Variants in LLPH observed in about 807,000 individuals in gnomAD.
LLPH encodes LLP homolog, long-term synaptic facilitation factor, also known as protein LLP homolog.
In LLPH, 5 loss-of-function variants were observed where a neutral mutation model predicts 13.3. That is an observed-to-expected ratio of 0.38 (90% CI 0.20 to 0.79). LLPH has a LOEUF of 0.79. Among genes scored for constraint, LLPH ranks in the 30% least tolerant of loss-of-function variants. The pLI, the probability that LLPH is intolerant of heterozygous loss-of-function variation, is 0.45. For missense variants in LLPH, 129 were observed against 152.1 expected, an observed-to-expected ratio of 0.85 and a Z score of 0.80; for synonymous variants, 32 against 44.2, an observed-to-expected ratio of 0.72 and a Z score of 1.09.
In LLPH at chr12:66,121,677, G is replaced by C. The variant is rs1482769665; in HGVS notation, c.*2163C>G. On this transcript the variant is annotated 3_prime_UTR_variant, in exon 3 of 3. Coordinates refer to ENST00000266604, the MANE Select transcript of LLPH (RefSeq NM_032338.4). ...GGGCAGGTGGATTACTTGAGTCCAG[G>C]AGTTTGAGACCAGCCTGGGCAACAT... 6.6e-6 allele frequency: 1 copy of C among 151,154 alleles called. No homozygotes were observed. The highest frequency in any genetic ancestry group is 1.5e-5 in the Non-Finnish European group (1 of 67,896). The allele number at this position is 151,154 out of a possible 1,614,324, so 9.4% of individuals were successfully genotyped here.
chr12:66,129,816 T>G (rs1317504101), intron 1 of LLPH, among the ~76,000 whole-genome samples: 2 of 152,204 alleles, frequency 1.3e-5, no homozygotes, highest in Non-Finnish European at 2.9e-5. Context: ...TTATCCATCC[T>G]CTCAAGCCAA....
intron 2 of LLPH, among the ~76,000 whole-genome samples, chr12:66,127,124 G>C (rs1366769662): frequency 1.3e-5 from 2 of 152,160 alleles, no homozygotes; most frequent in Non-Finnish European, 2.9e-5. Flanking sequence ...CTGCAGGTGG[G>C]AATGTAAAAT....
At chr12:66,125,485 A>G (rs1162057519) in intron 2 of LLPH, among the ~76,000 whole-genome samples, 2 of 152,196 alleles carry the variant, frequency 1.3e-5, no homozygotes, top group Non-Finnish European at 2.9e-5. Flanking sequence ...AGCCAAATTG[A>G]TAACAAATAG....
rs1157508155 is a variant in LLPH at position 66,121,737 on chromosome 12, A to C, written c.*2103T>G. 4 of 151,796 alleles carry C rather than the reference A, an allele frequency of 2.6e-5. No homozygotes were observed. The highest frequency in any genetic ancestry group is 5.9e-5 in the Non-Finnish European group (4 of 68,016). The allele number at this position is 151,796 out of a possible 1,614,324, so 9.4% of individuals were successfully genotyped here. A position where few individuals can be genotyped will look rare whatever the true frequency, so the allele number is the denominator to read the frequency against. On this transcript the variant is annotated 3_prime_UTR_variant, in exon 3 of 3. Coordinates refer to ENST00000266604, the MANE Select transcript of LLPH (RefSeq NM_032338.4). ...CTGTCTCTACAAAAATACAAAAATTAGCTGGGCGTGGTGGCACCCACCTGT... is the reference window on the plus strand; with the variant it reads ...CTGTCTCTACAAAAATACAAAAATTCGCTGGGCGTGGTGGCACCCACCTGT...
chr12:66,130,061 G>A (rs1024588667), intron 1 of LLPH, among the ~76,000 whole-genome samples: 2 of 152,020 alleles, frequency 1.3e-5, no homozygotes, highest in East Asian at 3.9e-4. Context: ...ATCCCCGCAG[G>A]CACCAACTAC....
At chr12:66,127,888 A>G (rs752430958) in intron 2 of LLPH, among the ~76,000 whole-genome samples, 106 of 152,322 alleles carry the variant, frequency 7.0e-4, no homozygotes, top group Non-Finnish European at 1.4e-3. Flanking sequence ...CCAGTGGAGG[A>G]GACTGATAAG....
At chr12:66,126,298 T>C (rs2051496334) in intron 2 of LLPH, among the ~76,000 whole-genome samples, 1 of 146,936 alleles carries the variant, frequency 6.8e-6, no homozygotes, top group Admixed American at 6.9e-5. Context: ...CACTCCAGCC[T>C]GGGCGACAGA....
chr12:66,124,438 GAGT>G lies in LLPH; in HGVS notation c.212-423_212-421del, dbSNP rs142206891. ...GAACGAACTTCTAATGAACTCGATG[GAGT>G]AGTCAGCAGCAGGGTTGTAATGGCA... On this transcript the variant is annotated intron_variant, in intron 2 of 2. Coordinates refer to ENST00000266604, the MANE Select transcript of LLPH (RefSeq NM_032338.4). Among the ~76,000 whole-genome samples the G allele has an allele frequency of 6.3e-3, 954 of 152,296 alleles. 17 individuals are homozygous for G. The highest frequency in any genetic ancestry group is 9.0e-3 in the Non-Finnish European group (612 of 68,022).
chr12:66,129,412 G>A (rs1486506301), intron 1 of LLPH, among the ~76,000 whole-genome samples: 2 of 150,614 alleles, frequency 1.3e-5, no homozygotes, highest in Non-Finnish European at 1.5e-5. Context: ...TTGAGACAGA[G>A]TCTTGTTCTG....
intron 2 of LLPH, among the ~76,000 whole-genome samples, chr12:66,124,417 G>C (rs910478078): frequency 1.3e-5 from 2 of 152,100 alleles, no homozygotes; most frequent in African/African-American, 4.8e-5. Context: ...AACTGAGAAC[G>C]AACTTCTAAT....
chr12:66,129,231 T>C, intron 1 of LLPH, 118 bp from the exon 2 acceptor site: 1 of 674,978 alleles, frequency 1.5e-6, no homozygotes, highest in Non-Finnish European at 2.6e-6. Context: ...AAAGTAAAAC[T>C]CTTCAATCTG....
At chr12:66,128,867 A>AT in intron 2 of LLPH, 29 bp downstream of exon 2, 1 of 1,425,490 alleles carries the variant, frequency 7.0e-7, no homozygotes, top group Non-Finnish European at 9.6e-7. Flanking sequence ...AAAAAAAAAA[A>AT]GAGAAAGAAA....
At chr12:66,126,284 A>C (rs1247629748) in intron 2 of LLPH, among the ~76,000 whole-genome samples, 2 of 151,636 alleles carry the variant, frequency 1.3e-5, no homozygotes, top group Non-Finnish European at 2.9e-5. Context: ...AGATCATGCC[A>C]CTGCACTCCA....
intron 1 of LLPH, among the ~76,000 whole-genome samples, chr12:66,130,272 C>T (rs146946328): frequency 2.6e-5 from 4 of 152,294 alleles, no homozygotes; most frequent in African/African-American, 7.2e-5. Flanking sequence ...CGACCCTCTC[C>T]CCAGACTGTA....
intron 1 of LLPH, 100 bp from the exon 2 acceptor site, chr12:66,129,213 A>G (rs1374497352): frequency 4.0e-6 from 3 of 757,772 alleles, no homozygotes; most frequent in African/African-American, 3.5e-5. Context: ...TCTCTACAAA[A>G]CAAGTGAAAA....
rs1200297446 is a variant in LLPH, at chr12:66,120,395, C to A, written c.*3445G>T. 6.6e-6 allele frequency: 1 copy of A among 152,162 alleles called. No homozygotes were observed. Among genetic ancestry groups the A allele is most frequent in the Non-Finnish European group, 1.5e-5 (1 of 68,036 alleles). 9.4% of individuals were successfully genotyped at this position (152,162 alleles called of 1,614,324 possible). A position where few individuals can be genotyped will look rare whatever the true frequency, so the allele number is the denominator to read the frequency against. ...AGAGCCACACTGCCTAAATTTGAAT[C>A]CCAGATTTCAGTTTTAGTTGTATGG... On this transcript the variant is annotated 3_prime_UTR_variant, in exon 3 of 3. Transcript: ENST00000266604.
In LLPH at chr12:66,123,721, C is replaced by T; in HGVS notation, c.*119G>A. 9.0e-7 allele frequency: 1 copy of T among 1,108,860 alleles called. No individual in the cohort carries two copies. The highest frequency in any genetic ancestry group is 2.4e-5 in the East Asian group (1 of 41,000). 68.7% of individuals were successfully genotyped at this position (1,108,860 alleles called of 1,614,324 possible). ...TGGGTTTGAATTGAAGAAAAAAGGC[C>T]AAGTTAAAATAGGAAAACAAATGGT... On this transcript the variant is annotated 3_prime_UTR_variant, in exon 3 of 3. Coordinates refer to ENST00000266604, the MANE Select transcript of LLPH (RefSeq NM_032338.4).
intron 2 of LLPH, among the ~76,000 whole-genome samples, chr12:66,126,583 A>C (rs1244443801): frequency 6.6e-6 from 1 of 152,140 alleles, no homozygotes; most frequent in African/African-American, 2.4e-5. Context: ...ACGAGGCAAA[A>C]GACTTGAGTA....
chr12:66,125,560 GA>G (rs2136829315), intron 2 of LLPH, among the ~76,000 whole-genome samples: 2 of 152,142 alleles, frequency 1.3e-5, no homozygotes, highest in African/African-American at 4.8e-5. Flanking sequence ...AAATATCTAA[GA>G]ATAAGGGCAT....
Sources: gnomAD v4.1 joint callset for allele counts (sites outside exome capture counted in the v4.1 genomes callset) on GRCh38, gnomAD v4.1.1 for gene constraint, MANE v1.5 for transcripts, NCBI Gene and HGNC (gene_info 2026-07-23, HGNC 2026-07-21) for gene names.